OSBPL6: variants seen among roughly 807,000 people sequenced by gnomAD.
OSBPL6 encodes the protein oxysterol-binding protein-related protein 6.
A neutral mutation model predicts 125.8 loss-of-function variants in OSBPL6; 49 were observed. That is an observed-to-expected ratio of 0.39 (90% CI 0.31 to 0.49). The LOEUF (loss-of-function observed/expected upper bound fraction) is 0.49, where lower values mean the gene tolerates loss of function less well. Among genes scored for constraint, OSBPL6 ranks in the 20% least tolerant of loss-of-function variants. The probability of loss-of-function intolerance (pLI) is 0.88; values close to 1 mark genes in which losing one functional copy is unlikely to be tolerated. For synonymous variants in OSBPL6, 394 were observed against 391.8 expected, an observed-to-expected ratio of 1.01 and a Z score of -0.07; for missense variants, 986 against 1,135.4, an observed-to-expected ratio of 0.87 and a Z score of 1.89.
intron 1 of OSBPL6, among the ~76,000 whole-genome samples, chr2:178,276,780 G>T (rs1056829505): frequency 7.6e-6 from 1 of 131,452 alleles, no homozygotes; most frequent in African/African-American, 3.0e-5. Flanking sequence ...TCCACTAGAA[G>T]AGTTTTTTTT....
intron 1 of OSBPL6, among the ~76,000 whole-genome samples, chr2:178,265,271 G>T (rs2092197669): frequency 8.0e-6 from 1 of 124,842 alleles, no homozygotes; most frequent in African/African-American, 3.1e-5. Context: ...GAGTACAGTG[G>T]TACACTCATG....
At chr2:178,297,013 G>A (rs1685816718) in intron 2 of OSBPL6, among the ~76,000 whole-genome samples, 1 of 152,196 alleles carries the variant, frequency 6.6e-6, no homozygotes, top group South Asian at 2.1e-4. Context: ...ATGGTATCTA[G>A]TAAATCAGGT....
chr2:178,204,025 C>CTTTTTTTTTTTTTTT (rs1166160655), intron 1 of OSBPL6, among the ~76,000 whole-genome samples: 2 of 129,000 alleles, frequency 1.6e-5, no homozygotes, highest in African/African-American at 5.9e-5. Flanking sequence ...TTTTCTTTTT[C>CTTTTTTTTTTTTTTT]TTTTTTTTTT....
At chr2:178,239,657 G>C (rs1023781817) in intron 1 of OSBPL6, among the ~76,000 whole-genome samples, 1 of 148,418 alleles carries the variant, frequency 6.7e-6, no homozygotes, top group Non-Finnish European at 1.5e-5. Flanking sequence ...ATGGAGTCTC[G>C]CTCTGTCGCC....
intron 3 of OSBPL6, chr2:178,320,184 T>G (rs970724611): frequency 1.1e-5 from 16 of 1,394,890 alleles, no homozygotes; most frequent in Non-Finnish European, 1.5e-5. Context: ...TGTCTCATTG[T>G]CTGTCTGTTT....
At chr2:178,351,366 T>A (rs1691238916) in intron 12 of OSBPL6, among the ~76,000 whole-genome samples, 1 of 150,560 alleles carries the variant, frequency 6.6e-6, no homozygotes, top group Admixed American at 6.6e-5. Flanking sequence ...ACCAAGAAAC[T>A]GTTAGAGCTA....
intron 1 of OSBPL6, among the ~76,000 whole-genome samples, chr2:178,228,788 T>C (rs2090687295): frequency 6.6e-6 from 1 of 152,214 alleles, no homozygotes; most frequent in Non-Finnish European, 1.5e-5. Context: ...ATGCTAAATT[T>C]TCATCAGAAA....
In OSBPL6 at chr2:178,373,957, T is replaced by C; in HGVS notation, c.1463T>C (p.Met488Thr). ...QQVANESRLS[M>T]SESVSEFFDA... ...GTAGCCAATGAGAGCCGCCTCTCCA[T>C]GTCAGAGTCTGTTTCTGAGTTCTTT... The change falls in exon 15 of 25, where the codon ATG becomes ACG. Residue 488 changes from methionine (M) to threonine (T), a missense_variant. Met to Thr is a moderately conservative substitution (Grantham distance 81). Coordinates refer to ENST00000190611, the MANE Select transcript of OSBPL6 (RefSeq NM_032523.4). The C allele has an allele frequency of 1.2e-6, 2 of 1,614,172 alleles. No homozygotes were observed. The highest frequency in any genetic ancestry group is 1.1e-5 in the South Asian group (1 of 91,088).
intron 1 of OSBPL6, among the ~76,000 whole-genome samples, chr2:178,243,893 C>T (rs181997763): frequency 7.3e-4 from 111 of 152,308 alleles, no homozygotes; most frequent in Admixed American, 1.8e-3. Context: ...TCTCGTGATC[C>T]GCCTGCCTCA....
Position 178,246,875 on chromosome 2 carries a change from C to A in OSBPL6, c.-350-38052C>A, listed in dbSNP as rs577260256. Among the ~76,000 whole-genome samples, 29 of 152,278 alleles carry A rather than the reference C, an allele frequency of 1.9e-4. No homozygotes were observed. The South Asian group carries it at 5.8e-3, about 31-fold the overall frequency. ...AGGCCCCTGACTCTGCACTTGCCTT[C>A]GTCACAGGGACAGAGCCACGTCTCT... On this transcript the variant is annotated intron_variant, in intron 1 of 24. Transcript: ENST00000190611.
chr2:178,243,886 C>T (rs942992583), intron 1 of OSBPL6, among the ~76,000 whole-genome samples: 7 of 152,272 alleles, frequency 4.6e-5, no homozygotes, highest in South Asian at 4.1e-4. Context: ...CTCCTGATCT[C>T]GTGATCCGCC....
At chr2:178,315,541 A>G (rs966613928) in intron 3 of OSBPL6, among the ~76,000 whole-genome samples, 74 of 152,170 alleles carry the variant, frequency 4.9e-4, no homozygotes, top group African/African-American at 1.7e-3. Flanking sequence ...CTTGGTTAGG[A>G]GTCTGTTCAC....
chr2:178,284,721 G>C (rs1446604509), intron 1 of OSBPL6, among the ~76,000 whole-genome samples: 1 of 152,196 alleles, frequency 6.6e-6, no homozygotes, highest in African/African-American at 2.4e-5. Flanking sequence ...GAATGTTACT[G>C]ATTACTGAGA....
intron 4 of OSBPL6, among the ~76,000 whole-genome samples, chr2:178,326,439 T>TAA (rs1408514055): frequency 6.6e-6 from 1 of 152,220 alleles, no homozygotes; most frequent in African/African-American, 2.4e-5. Context: ...CTTTTAGCTC[T>TAA]GTTATAAGTA....
At chr2:178,246,585 T>C (rs1356572058) in intron 1 of OSBPL6, among the ~76,000 whole-genome samples, 1 of 152,200 alleles carries the variant, frequency 6.6e-6, no homozygotes, top group African/African-American at 2.4e-5. Flanking sequence ...GGTCTAGCTA[T>C]ATCATATTGT....
At chr2:178,310,086 G>A (rs1687128771) in intron 3 of OSBPL6, among the ~76,000 whole-genome samples, 1 of 152,174 alleles carries the variant, frequency 6.6e-6, no homozygotes, top group Non-Finnish European at 1.5e-5. Context: ...AGATTTGATT[G>A]TTACAAATTT....
chr2:178,306,548 G>A (rs1686777881), intron 3 of OSBPL6, among the ~76,000 whole-genome samples: 1 of 152,164 alleles, frequency 6.6e-6, no homozygotes, highest in Admixed American at 6.5e-5. Flanking sequence ...TTTCCTCCCT[G>A]CACCTGGAGG....
intron 1 of OSBPL6, among the ~76,000 whole-genome samples, chr2:178,254,317 C>T (rs1287991172): frequency 1.3e-4 from 20 of 150,912 alleles, no homozygotes; most frequent in Admixed American, 1.1e-3. Context: ...CACTTGAACC[C>T]GAGAGGCGGA....
At chr2:178,288,181 T>C (rs1306757914) in intron 2 of OSBPL6, among the ~76,000 whole-genome samples, 6 of 152,258 alleles carry the variant, frequency 3.9e-5, no homozygotes, top group Non-Finnish European at 8.8e-5. Context: ...ACCTGCCCTG[T>C]TTCTTCCTGT....
Sources: allele counts gnomAD v4.1 joint callset (sites outside exome capture counted in the v4.1 genomes callset), GRCh38; gene constraint gnomAD v4.1.1; transcripts MANE v1.5; gene names NCBI Gene and HGNC (gene_info 2026-07-23, HGNC 2026-07-21).